Variants in ZNF644 observed in about 807,000 individuals in gnomAD.
ZNF644 encodes zinc finger protein 644.
A neutral mutation model predicts 108.0 loss-of-function variants in ZNF644; 20 were observed. That is an observed-to-expected ratio of 0.19 (90% CI 0.13 to 0.27). ZNF644 has a LOEUF of 0.27. Among genes scored for constraint, ZNF644 ranks in the 10% least tolerant of loss-of-function variants. The probability of loss-of-function intolerance (pLI) is 1.00; values close to 1 mark genes in which losing one functional copy is unlikely to be tolerated. For synonymous variants in ZNF644, 542 were observed against 539.1 expected (o/e 1.01, Z -0.08); for missense variants, 1,338 against 1,548.9 (o/e 0.86, Z 2.29).
chr1:90,982,231 C>T, intron 2 of ZNF644, 79 bp downstream of exon 2: 1 of 1,224,192 alleles, frequency 8.2e-7, no homozygotes, highest in Non-Finnish European at 1.2e-6. Context: ...CTGAACTCAA[C>T]ACCACATTTT....
chr1:90,973,174 C>A lies in ZNF644; in HGVS notation c.44+9136G>T, dbSNP rs1477434042. 5 of 150,656 alleles carry A rather than the reference C, an allele frequency of 3.3e-5. No individual in the cohort carries two copies. The East Asian group carries it at 9.7e-4, about 29-fold the overall frequency. 9.3% of individuals were successfully genotyped at this position (150,656 alleles called of 1,614,324 possible). On this transcript the variant is annotated intron_variant, in intron 2 of 5. Transcript: ENST00000337393. ...TTACCAATGGGGATGAGGTGGAGAT[C>A]AATAAATAACAAATATGTCTGGGTT...
chr1:90,967,894 C>CA (rs147387016), intron 2 of ZNF644, among the ~76,000 whole-genome samples: 47,539 of 123,230 alleles, frequency 0.39, 8,938 homozygotes, highest in Non-Finnish European at 0.45. Flanking sequence ...AAAAAAAATA[C>CA]AAAAAAAAAA....
intron 2 of ZNF644, among the ~76,000 whole-genome samples, chr1:90,975,728 G>A (rs1294335924): frequency 6.6e-6 from 1 of 152,138 alleles, no homozygotes; most frequent in Non-Finnish European, 1.5e-5. Flanking sequence ...ACAGGTGTGA[G>A]CCACCACGCC....
intron 2 of ZNF644, among the ~76,000 whole-genome samples, chr1:90,970,134 C>T (rs1655310781): frequency 6.6e-6 from 1 of 152,162 alleles, no homozygotes; most frequent in African/African-American, 2.4e-5. Flanking sequence ...CATATTATTG[C>T]AACCCTATAC....
In ZNF644 at chr1:90,927,304, T is replaced by C. The variant is rs185961100; in HGVS notation, c.3689-9150A>G. 2.0e-3 allele frequency among the ~76,000 whole-genome samples: 308 copies of C among 152,354 alleles called. 1 individual carries two copies. Among genetic ancestry groups the C allele is most frequent in the Non-Finnish European group, 2.7e-3 (185 of 68,024 alleles). On this transcript the variant is annotated intron_variant, in intron 4 of 5. Transcript: ENST00000337393. ...TTGTAAGATCCAATGTATCTCTGCATACTTAGCACAGTTGGAGGTGAAAAA... is the reference window on the plus strand; with the variant it reads ...TTGTAAGATCCAATGTATCTCTGCACACTTAGCACAGTTGGAGGTGAAAAA...
intron 2 of ZNF644, among the ~76,000 whole-genome samples, chr1:90,978,837 A>T (rs1434401611): frequency 1.4e-5 from 2 of 140,676 alleles, no homozygotes; most frequent in African/African-American, 2.6e-5. Context: ...ATCAGGATTT[A>T]AAAAAAAAAA....
intron 2 of ZNF644, among the ~76,000 whole-genome samples, chr1:90,959,528 C>T (rs190468981): frequency 3.0e-4 from 45 of 152,094 alleles, no homozygotes; most frequent in Non-Finnish European, 4.9e-4. Context: ...ATGTAAATTG[C>T]GGTATATCCA....
At chr1:90,994,290 C>G (rs1418154016) in intron 1 of ZNF644, among the ~76,000 whole-genome samples, 1 of 152,150 alleles carries the variant, frequency 6.6e-6, no homozygotes, top group Non-Finnish European at 1.5e-5. Flanking sequence ...ATACCATATG[C>G]ACTCATCGAT....
chr1:90,968,371 T>G (rs185942210), intron 2 of ZNF644, among the ~76,000 whole-genome samples: 1 of 152,288 alleles, frequency 6.6e-6, no homozygotes, highest in Admixed American at 6.5e-5. Context: ...AATTAAAAAT[T>G]TGTCAACTAG....
chr1:90,942,318 G>T (rs966642902), intron 2 of ZNF644, among the ~76,000 whole-genome samples: 4 of 152,062 alleles, frequency 2.6e-5, no homozygotes, highest in Non-Finnish European at 5.9e-5. Flanking sequence ...ATTTTTAAAG[G>T]AAACAGTATT....
chr1:90,955,661 C>A (rs1350223400), intron 2 of ZNF644, among the ~76,000 whole-genome samples: 2 of 152,212 alleles, frequency 1.3e-5, no homozygotes, highest in African/African-American at 4.8e-5. Context: ...TTGGCCTTCA[C>A]AGAATTGAAG....
chr1:90,950,623 C>T (rs1340162301), intron 2 of ZNF644, among the ~76,000 whole-genome samples: 3 of 151,918 alleles, frequency 2.0e-5, no homozygotes, highest in African/African-American at 7.2e-5. Flanking sequence ...CAAAGAAAAA[C>T]TGACAAATCA....
At chr1:91,012,826 A>C (rs1410520816) in intron 1 of ZNF644, among the ~76,000 whole-genome samples, 1 of 151,194 alleles carries the variant, frequency 6.6e-6, no homozygotes, top group Non-Finnish European at 1.5e-5. Context: ...TGTGCACTTC[A>C]CTGTATGTTA....
At chr1:90,985,104 A>C (rs981334718) in intron 1 of ZNF644, among the ~76,000 whole-genome samples, 4 of 152,276 alleles carry the variant, frequency 2.6e-5, no homozygotes, top group East Asian at 1.9e-4. Flanking sequence ...CTGAAAAAAA[A>C]CCTTTTAACT....
intron 1 of ZNF644, among the ~76,000 whole-genome samples, chr1:91,001,317 C>T (rs367604926): frequency 6.6e-6 from 1 of 152,152 alleles, no homozygotes; most frequent in African/African-American, 2.4e-5. Flanking sequence ...TCCAGCAGCA[C>T]ATCAAAAAGC....
intron 2 of ZNF644, among the ~76,000 whole-genome samples, chr1:90,967,129 T>C (rs1302318823): frequency 1.3e-5 from 2 of 152,182 alleles, no homozygotes; most frequent in African/African-American, 2.4e-5. Context: ...CACTGTAGTC[T>C]CAGATTCTAC....
chr1:90,938,971 T>C lies in ZNF644; in HGVS notation c.2383A>G (p.Lys795Glu), dbSNP rs1282412024. Residue 795 changes from lysine (K) to glutamate (E), a missense_variant, in exon 3 of 6, where the codon AAA (lysine) becomes GAA (glutamate). Around this residue, in one of 6 missense-constraint regions of ZNF644, gnomAD observed 462 missense variants for 472.6 expected, o/e 0.98. Coordinates refer to ENST00000337393, the MANE Select transcript of ZNF644 (RefSeq NM_201269.3). This position sits in a 1 kb window ranked among gnomAD's most constrained non-coding sequence, Gnocchi z 4.2. ...TGATCTTTGAAGCTTTCAGGCCTTT[T>C]GGCGTCAGGCTTATGAGGGTCTGAA... Reference protein sequence around the residue: ...FISDPHKPDAKRPESFKDHRR... With the variant: ...FISDPHKPDAERPESFKDHRR... The C allele has an allele frequency of 6.2e-7, 1 of 1,613,922 alleles. No homozygotes were observed. The highest frequency in any genetic ancestry group is 8.5e-7 in the Non-Finnish European group (1 of 1,179,950).
chr1:90,925,473 G>C (rs955039113), intron 4 of ZNF644, among the ~76,000 whole-genome samples: 1 of 151,818 alleles, frequency 6.6e-6, no homozygotes, highest in East Asian at 1.9e-4. Context: ...CTTTGGGCTT[G>C]AATAAACTCT....
chr1:91,010,751 A>G (rs546099345), intron 1 of ZNF644, among the ~76,000 whole-genome samples: 1 of 143,022 alleles, frequency 7.0e-6, no homozygotes, highest in South Asian at 2.3e-4. Flanking sequence ...TAGAAGCCAT[A>G]TCTGTGCTCT....
Sources: gnomAD v4.1 joint callset for allele counts (sites outside exome capture counted in the v4.1 genomes callset) on GRCh38, gnomAD v4.1.1 for gene constraint, gnomAD v4.1.1 regional missense constraint, Gnocchi (gnomAD v3.1) non-coding constraint, MANE v1.5 for transcripts, NCBI Gene and HGNC (gene_info 2026-07-23, HGNC 2026-07-21) for gene names.